Variants in SBF2 observed in about 807,000 individuals in gnomAD.
SBF2 encodes myotubularin-related protein 13.
In SBF2, 112 loss-of-function variants were observed where a neutral mutation model predicts 225.2. The observed-to-expected ratio is 0.50, with a 90% confidence interval of 0.43 to 0.58. The LOEUF (loss-of-function observed/expected upper bound fraction) is 0.58, where lower values mean the gene tolerates loss of function less well. Ranked by LOEUF, SBF2 falls within the 20% of genes least tolerant of loss-of-function variation. SBF2 has a pLI of 0.00. For missense variants in SBF2, 1,996 were observed against 2,206.2 expected, an observed-to-expected ratio of 0.90 and a Z score of 1.91; for synonymous variants, 763 against 773.3, an observed-to-expected ratio of 0.99 and a Z score of 0.22.
At chr11:10,084,451 A>G (rs534175634) in intron 2 of SBF2, among the ~76,000 whole-genome samples, 5 of 152,236 alleles carry the variant, frequency 3.3e-5, no homozygotes, top group Non-Finnish European at 7.3e-5. Flanking sequence ...GAGGATACAA[A>G]GAAAAGAGAA....
In SBF2 at chr11:9,780,238, C is replaced by CTG; in HGVS notation, c.*178_*179dup. On this transcript the variant is annotated 3_prime_UTR_variant, in exon 40 of 40. Coordinates refer to ENST00000256190, the MANE Select transcript of SBF2 (RefSeq NM_030962.4). ...GAGTGCATGGGGCTGTTGACCAGAC[C>CTG]TGTGTGAAACACCTATTCAGGTTAA... is the stretch of plus-strand genomic sequence containing the variant. 1.5e-6 allele frequency: 1 copy of CTG among 661,270 alleles called. No individual in the cohort carries two copies. Among genetic ancestry groups the CTG allele is most frequent in the Non-Finnish European group, 2.8e-6 (1 of 362,932 alleles). The allele number at this position is 661,270 out of a possible 1,614,324, so 41.0% of individuals were successfully genotyped here.
In SBF2 at chr11:9,962,467, A is replaced by G. The variant is rs1400302625; in HGVS notation, c.1711-361T>C. 3.3e-5 allele frequency among the ~76,000 whole-genome samples: 5 copies of G among 152,212 alleles called. No individual in the cohort carries two copies. In the East Asian group the frequency reaches 9.6e-4, roughly 29 times the overall value. On this transcript the variant is annotated intron_variant, in intron 15 of 39. Transcript: ENST00000256190. The stretch of plus-strand genomic sequence containing the variant: ...CCTTTCTATAACTAGTAAATTTTCC[A>G]TGGCAAGAACAGAAAGAAAAATTAA...
intron 32 of SBF2, among the ~76,000 whole-genome samples, chr11:9,798,375 G>A (rs1366149555): frequency 6.6e-6 from 1 of 152,198 alleles, no homozygotes; most frequent in Non-Finnish European, 1.5e-5. Context: ...AGCCAGTGAT[G>A]GAGAGGGGGG....
At chr11:9,947,623 C>T (rs1410142624) in intron 16 of SBF2, among the ~76,000 whole-genome samples, 1 of 152,156 alleles carries the variant, frequency 6.6e-6, no homozygotes, top group East Asian at 1.9e-4. Context: ...GGCATCTATG[C>T]TTATGCTCAG....
chr11:10,225,070 A>G (rs959028315), intron 1 of SBF2, among the ~76,000 whole-genome samples: 16 of 152,196 alleles, frequency 1.1e-4, no homozygotes, highest in Non-Finnish European at 1.3e-4. Flanking sequence ...CTAATTTAAC[A>G]AATAAAAGCT....
In SBF2 at chr11:10,109,229, A is replaced by C; in HGVS notation, c.142-66248T>G. Among the ~76,000 whole-genome samples, 3 of 152,356 alleles carry C rather than the reference A, an allele frequency of 2.0e-5. No homozygotes were observed. In the Middle Eastern group the frequency reaches 0.01, roughly 518 times the overall value. ...CAAATAGCTCTAGATTTATCTATGA[A>C]TAAACCTTATAATGTTATTATATGG... On this transcript the variant is annotated intron_variant, in intron 2 of 39. Transcript: ENST00000256190.
At chr11:10,239,221 ATT>A (rs1959176650) in intron 1 of SBF2, among the ~76,000 whole-genome samples, 4 of 150,718 alleles carry the variant, frequency 2.7e-5, no homozygotes, top group Admixed American at 2.0e-4. Flanking sequence ...CCAAAATTCA[ATT>A]TGTTTGCAAC....
intron 17 of SBF2, among the ~76,000 whole-genome samples, chr11:9,862,543 G>GTT (rs1857843992): frequency 1.3e-5 from 2 of 152,114 alleles, no homozygotes; most frequent in Admixed American, 1.3e-4. Context: ...ATTACTCTAC[G>GTT]TTGTTTCTGT....
chr11:9,817,150 G>GTCCC, intron 28 of SBF2, 126 bp from the exon 29 acceptor site: 1 of 974,666 alleles, frequency 1.0e-6, no homozygotes, highest in South Asian at 1.4e-5. Flanking sequence ...TCTAAAAACC[G>GTCCC]TAAGTCATAT....
upstream of SBF2, among the ~76,000 whole-genome samples, chr11:10,294,852 G>A (rs1964433701): frequency 6.6e-6 from 1 of 152,202 alleles, no homozygotes; most frequent in South Asian, 2.1e-4. Flanking sequence ...AACTGGGCTG[G>A]CCTCTCCCTG....
At chr11:9,977,466 G>C (rs1408388496) in intron 13 of SBF2, among the ~76,000 whole-genome samples, 4 of 150,016 alleles carry the variant, frequency 2.7e-5, no homozygotes, top group Non-Finnish European at 5.9e-5. Context: ...CTTTCTGGGT[G>C]ACAGGGCATG....
At chr11:10,144,457 C>T (rs1353910824) in intron 2 of SBF2, among the ~76,000 whole-genome samples, 4 of 152,050 alleles carry the variant, frequency 2.6e-5, no homozygotes, top group African/African-American at 9.7e-5. Context: ...CACTGCACTC[C>T]AGCCTGAGTG....
intron 38 of SBF2, among the ~76,000 whole-genome samples, chr11:9,784,068 T>C (rs1852207355): frequency 1.3e-5 from 2 of 152,112 alleles, no homozygotes; most frequent in African/African-American, 2.4e-5. Context: ...CAAGAGATAT[T>C]TGAGCATTAA....
chr11:9,826,557 T>C (rs575150397), intron 28 of SBF2, among the ~76,000 whole-genome samples: 6 of 152,036 alleles, frequency 3.9e-5, no homozygotes, highest in Non-Finnish European at 5.9e-5. Flanking sequence ...CCTCAGAGGA[T>C]AGAGCTAGGG....
intron 1 of SBF2, among the ~76,000 whole-genome samples, chr11:10,226,190 T>A (rs1455964307): frequency 6.6e-6 from 1 of 152,118 alleles, no homozygotes; most frequent in East Asian, 1.9e-4. Flanking sequence ...CTACTAAAAG[T>A]AGCATTTATC....
In SBF2 at chr11:10,007,099, G is replaced by A. The variant is rs766203189; in HGVS notation, c.620-4410C>T. ...GGTAAGACCAGTTCATTCTGGAACC[G>A]CACGGATGAACAGGAGAGGGCTCTC... On this transcript the variant is annotated intron_variant, in intron 6 of 39. Coordinates refer to ENST00000256190, the MANE Select transcript of SBF2 (RefSeq NM_030962.4). Among the ~76,000 whole-genome samples the A allele has an allele frequency of 7.2e-5, 11 of 152,204 alleles. No homozygotes were observed. The East Asian group carries it at 9.7e-4, about 13-fold the overall frequency.
chr11:10,157,661 A>G (rs1229131468), intron 2 of SBF2, among the ~76,000 whole-genome samples: 3 of 152,208 alleles, frequency 2.0e-5, no homozygotes, highest in East Asian at 1.9e-4. Context: ...GGTGAGTTTT[A>G]TAATTGTTTC....
At chr11:9,858,534 AAT>A (rs909959345) in intron 17 of SBF2, 138 bp from the exon 18 acceptor site, 1 of 857,862 alleles carries the variant, frequency 1.2e-6, no homozygotes, top group African/African-American at 1.7e-5. Flanking sequence ...CAGGCTTAGC[AAT>A]CAGCAACTTA....
At chr11:9,838,632 T>C (rs190883304) in intron 26 of SBF2, 2 of 152,328 alleles carry the variant, frequency 1.3e-5, no homozygotes, top group Admixed American at 1.3e-4. Flanking sequence ...TAAAATGACA[T>C]ATCTATCTTC....
Sources: allele counts gnomAD v4.1 joint callset (sites outside exome capture counted in the v4.1 genomes callset), GRCh38; gene constraint gnomAD v4.1.1; transcripts MANE v1.5; gene names NCBI Gene and HGNC (gene_info 2026-07-23, HGNC 2026-07-21).